Variants in RCN3 observed in about 807,000 individuals in gnomAD.
RCN3 encodes reticulocalbin 3.
RCN3 carries 41 observed loss-of-function variants against 35.9 expected under a neutral mutation model. The ratio of observed to expected loss-of-function variants is 1.14; its 90% CI spans 0.89 to 1.48. The LOEUF (loss-of-function observed/expected upper bound fraction) is 1.48, where lower values mean the gene tolerates loss of function less well. Among genes scored for constraint, RCN3 ranks in the 40% most tolerant of loss-of-function variants. The pLI is 0.00. For synonymous variants in RCN3, 187 were observed against 193.4 expected (o/e 0.97, Z 0.27); for missense variants, 451 against 471.3 (o/e 0.96, Z 0.40).
chr19:49,540,139 C>T (rs2080156432), intron 5 of RCN3, among the ~76,000 whole-genome samples: 1 of 151,600 alleles, frequency 6.6e-6, no homozygotes, highest in African/African-American at 2.4e-5. Context: ...CTTTCTGTCA[C>T]TCTTTCTTTC....
At chr19:49,538,509 G>A (rs1323651706) in intron 4 of RCN3, among the ~76,000 whole-genome samples, 1 of 151,440 alleles carries the variant, frequency 6.6e-6, no homozygotes, top group Non-Finnish European at 1.5e-5. Flanking sequence ...ACAGGGTCTC[G>A]CCATGTTGCC....
chr19:49,528,205 G>C (rs997911970), intron 1 of RCN3, 147 bp downstream of exon 1: 55 of 410,614 alleles, frequency 1.3e-4, no homozygotes, highest in African/African-American at 1.0e-3. Context: ...TGTGCGCCAC[G>C]TCTGTCTCTG....
In RCN3 at chr19:49,528,460, T is replaced by G. The variant is rs769463801; in HGVS notation, c.-6-7T>G. On this transcript the variant is annotated splice_polypyrimidine_tract_variant and splice_region_variant and intron_variant, in intron 1 of 6. Coordinates refer to ENST00000270645, the MANE Select transcript of RCN3 (RefSeq NM_020650.3). Reference sequence around the variant, plus strand: ...ACCCCTGACCCCTGGCCTTTGCCACTCCCCAGGGACCGATGATGTGGCGAC... The same window carrying G: ...ACCCCTGACCCCTGGCCTTTGCCACGCCCCAGGGACCGATGATGTGGCGAC... The G allele has an allele frequency of 8.1e-6, 12 of 1,478,842 alleles. No homozygotes were observed. The South Asian group carries it at 1.0e-4, about 12-fold the overall frequency. The allele number at this position is 1,478,842 out of a possible 1,614,324, so 91.6% of individuals were successfully genotyped here.
In RCN3 at chr19:49,539,119, GA is replaced by G. The variant is rs1280612424; in HGVS notation, c.622del (p.Thr208ProfsTer48). ...GCCTCAATGCCCCTTTCTCCTCCAG[GA>G]AACCCTGGAGGACCTGGACAGAAAC... is the stretch of plus-strand genomic sequence containing the variant. Reference protein sequence around the residue: ...FPHMRDIVIAETLEDLDRNKD... With the variant: ...FPHMRDIVIAXTLEDLDRNKD... On this transcript the variant is annotated frameshift_variant and splice_region_variant, in exon 5 of 7. Transcript: ENST00000270645. LOFTEE classifies it high-confidence loss of function. The G allele has an allele frequency of 6.2e-7, 1 of 1,600,514 alleles. No individual in the cohort carries two copies. Among genetic ancestry groups the G allele is most frequent in the South Asian group, 1.1e-5 (1 of 89,294 alleles).
chr19:49,536,124 T>G (rs1352535995), intron 3 of RCN3, among the ~76,000 whole-genome samples: 1 of 144,588 alleles, frequency 6.9e-6, no homozygotes, highest in African/African-American at 2.6e-5. Flanking sequence ...GTAGCTGGGA[T>G]TACAGGCATG....
At chr19:49,530,326 ATTTT>A (rs774074543) in intron 2 of RCN3, among the ~76,000 whole-genome samples, 1 of 132,058 alleles carries the variant, frequency 7.6e-6, no homozygotes, top group Non-Finnish European at 1.6e-5. Flanking sequence ...CGCCCAGCTA[ATTTT>A]TTTTTTTTTT....
At chr19:49,529,386 C>T (rs2080097572) in intron 2 of RCN3, among the ~76,000 whole-genome samples, 1 of 152,174 alleles carries the variant, frequency 6.6e-6, no homozygotes, top group African/African-American at 2.4e-5. Flanking sequence ...AGTGGCAGAG[C>T]CCTGAGTTTC....
chr19:49,529,839 C>T (rs2080099768), intron 2 of RCN3, among the ~76,000 whole-genome samples: 1 of 152,090 alleles, frequency 6.6e-6, no homozygotes, highest in South Asian at 2.1e-4. Context: ...TCACTGCAAC[C>T]TCCACCTCCT....
chr19:49,543,246 G>T lies in RCN3; in HGVS notation c.*33G>T, dbSNP rs377395877. The T allele has an allele frequency of 6.4e-7, 1 of 1,551,954 alleles. No homozygotes were observed. The highest frequency in any genetic ancestry group is 8.9e-7 in the Non-Finnish European group (1 of 1,127,140). ...GCACCTGCCACAGCCTCAGAGGCCCGCACAATGACCGGAGGAGGGGCCGCT... is the reference window on the plus strand; with the variant it reads ...GCACCTGCCACAGCCTCAGAGGCCCTCACAATGACCGGAGGAGGGGCCGCT... On this transcript the variant is annotated 3_prime_UTR_variant, in exon 7 of 7. Transcript: ENST00000270645.
intron 4 of RCN3, 41 bp downstream of exon 4, chr19:49,537,246 G>C: frequency 7.1e-7 from 1 of 1,417,596 alleles, no homozygotes; most frequent in Non-Finnish European, 9.3e-7. Context: ...ACACCCTTCC[G>C]GGGACCCAGG....
At position 49,537,585 on chromosome 19, in the gene RCN3, C is replaced by T. The variant is rs1277501732; in HGVS notation, c.618+380C>T. 3.9e-5 allele frequency among the ~76,000 whole-genome samples: 6 copies of T among 152,086 alleles called. No homozygotes were observed. In the East Asian group the frequency reaches 7.7e-4, roughly 20 times the overall value. On this transcript the variant is annotated intron_variant, in intron 4 of 6. Coordinates refer to ENST00000270645, the MANE Select transcript of RCN3 (RefSeq NM_020650.3). ...GCAGTGGTGCGATCTCAGCTCACTG[C>T]AACCTCCGCCTCCCGGGTTCAAGCA... is the stretch of plus-strand genomic sequence containing the variant.
intron 3 of RCN3, among the ~76,000 whole-genome samples, chr19:49,535,873 T>TATATATATAG (rs1555811318): frequency 1.1e-4 from 16 of 144,792 alleles, no homozygotes; most frequent in African/African-American, 3.9e-4. Context: ...TATATATATA[T>TATATATATAG]ATAGATAGAT....
intron 2 of RCN3, among the ~76,000 whole-genome samples, chr19:49,530,238 C>A (rs1055390589): frequency 1.3e-5 from 2 of 150,894 alleles, no homozygotes; most frequent in Non-Finnish European, 2.9e-5. Flanking sequence ...TCAGCTCATG[C>A]AACCTCTGCC....
At chr19:49,529,059 T>C (rs1177639207) in intron 2 of RCN3, among the ~76,000 whole-genome samples, 1 of 152,048 alleles carries the variant, frequency 6.6e-6, no homozygotes, top group Admixed American at 6.6e-5. Flanking sequence ...TGGGCACCTG[T>C]AATCCCAGCT....
rs537369006 is a variant in RCN3 at position 49,535,869 on chromosome 19, T to TAGATAG, written c.446-1163_446-1162insGATAGA. Among the ~76,000 whole-genome samples, 181 of 145,062 alleles carry TAGATAG rather than the reference T, an allele frequency of 1.2e-3. 1 individual carries two copies. Among genetic ancestry groups the TAGATAG allele is most frequent in the African/African-American group, 4.3e-3 (165 of 38,714 alleles). ...TGTCTCAAAAAAAAAAAAATATATA[T>TAGATAG]ATATATAGATAGATAGATAGATAGA... On this transcript the variant is annotated intron_variant, in intron 3 of 6. Transcript: ENST00000270645.
chr19:49,534,771 G>A (rs2080126573), intron 3 of RCN3, among the ~76,000 whole-genome samples: 1 of 151,798 alleles, frequency 6.6e-6, no homozygotes, highest in Non-Finnish European at 1.5e-5. Context: ...TTTCATTCTG[G>A]GACTCACCAC....
intron 3 of RCN3, among the ~76,000 whole-genome samples, chr19:49,536,288 C>CTTTTTTT (rs968434638): frequency 8.5e-5 from 6 of 70,830 alleles, no homozygotes; most frequent in African/African-American, 1.2e-4. Context: ...ACCCGGCCTA[C>CTTTTTTT]TTTTTTTTTT....
At chr19:49,537,886 A>C (rs1024551088) in intron 4 of RCN3, among the ~76,000 whole-genome samples, 1 of 147,840 alleles carries the variant, frequency 6.8e-6, no homozygotes, top group African/African-American at 2.5e-5. Context: ...TGATCTGCCC[A>C]CCTTGGCCTC....
At chr19:49,535,405 C>A (rs2080129196) in intron 3 of RCN3, among the ~76,000 whole-genome samples, 1 of 152,178 alleles carries the variant, frequency 6.6e-6, no homozygotes, top group South Asian at 2.1e-4. Flanking sequence ...TCAGTTATTT[C>A]TTCTCTCTGA....
Sources: allele counts gnomAD v4.1 joint callset (sites outside exome capture counted in the v4.1 genomes callset), GRCh38; gene constraint gnomAD v4.1.1; transcripts MANE v1.5; gene names NCBI Gene and HGNC (gene_info 2026-07-23, HGNC 2026-07-21).